Variants in ELAPOR1 observed in about 807,000 individuals in gnomAD.
ELAPOR1 encodes the protein endosome-lysosome associated apoptosis and autophagy regulator 1.
A neutral mutation model predicts 119.7 loss-of-function variants in ELAPOR1; 77 were observed. The observed-to-expected ratio is 0.64, with a 90% CI of 0.54 to 0.78. The LOEUF is 0.78. Among genes scored for constraint, ELAPOR1 ranks in the 30% least tolerant of loss-of-function variants. ELAPOR1 has a pLI of 0.00. For synonymous variants in ELAPOR1, 481 were observed against 487.2 expected (o/e 0.99, Z 0.17); for missense variants, 1,115 against 1,270.4 (o/e 0.88, Z 1.86).
Position 109,173,456 on chromosome 1 carries a change from C to A in ELAPOR1, c.697-18C>A. The A allele has an allele frequency of 5.0e-6, 8 of 1,603,248 alleles. No individual in the cohort carries two copies. The highest frequency in any genetic ancestry group is 6.8e-6 in the Non-Finnish European group (8 of 1,171,106). ...TTTTTCTCTGTGATGAATGAATGCTCCTGTTTGTGGTTTTTAGGTGGAGCT... is the reference window on the plus strand; with the variant it reads ...TTTTTCTCTGTGATGAATGAATGCTACTGTTTGTGGTTTTTAGGTGGAGCT... On this transcript the variant is annotated intron_variant, in intron 5 of 21. Transcript: ENST00000369939.
In ELAPOR1 at chr1:109,173,544, C is replaced by T. The variant is rs543723905; in HGVS notation, c.767C>T (p.Pro256Leu). The change falls in exon 6 of 22, where the codon CCC (proline) becomes CTC (leucine). Residue 256 changes from proline (P) to leucine (L), a missense_variant. Pro to Leu is a moderately conservative substitution (Grantham distance 98). Transcript: ENST00000369939. ...TTAFSVWTKV[P>L]KPVLVRNIAI... ...GCCTTCTCAGTATGGACCAAAGTAC[C>T]CAAGCCTGTGCTGGTGAGAAACATT... The T allele has an allele frequency of 4.3e-6, 7 of 1,614,094 alleles. No individual in the cohort carries two copies. The South Asian group carries it at 6.6e-5, about 15-fold the overall frequency.
intron 18 of ELAPOR1, among the ~76,000 whole-genome samples, chr1:109,199,641 G>A (rs2101140444): frequency 6.6e-6 from 1 of 152,332 alleles, no homozygotes; most frequent in East Asian, 1.9e-4. Flanking sequence ...ACGGGCAGAG[G>A]GTGGGGAGCC....
In ELAPOR1 at chr1:109,204,382, T is replaced by C. The variant is rs926731993; in HGVS notation, c.*1370T>C. On this transcript the variant is annotated 3_prime_UTR_variant, in exon 22 of 22. Coordinates refer to ENST00000369939, the MANE Select transcript of ELAPOR1 (RefSeq NM_020775.5). Reference sequence around the variant, plus strand: ...TTTTAAACCTTCCACTATCACTCTATGACACTGAAAAGAACCAGGTAAGCC... The same window carrying C: ...TTTTAAACCTTCCACTATCACTCTACGACACTGAAAAGAACCAGGTAAGCC... 1 of 152,244 alleles carries C rather than the reference T, an allele frequency of 6.6e-6. No homozygotes were observed. The highest frequency in any genetic ancestry group is 2.4e-5 in the African/African-American group (1 of 41,448). 9.4% of individuals were successfully genotyped at this position (152,244 alleles called of 1,614,324 possible). A position where few individuals can be genotyped will look rare whatever the true frequency, so the allele number is the denominator to read the frequency against.
chr1:109,138,927 A>G (rs1189268522), intron 1 of ELAPOR1, among the ~76,000 whole-genome samples: 1 of 152,024 alleles, frequency 6.6e-6, no homozygotes, highest in Non-Finnish European at 1.5e-5. Flanking sequence ...TAGGTAATTC[A>G]TCCACATGGT....
At chr1:109,157,978 C>A (rs1311734198) in intron 1 of ELAPOR1, among the ~76,000 whole-genome samples, 2 of 152,176 alleles carry the variant, frequency 1.3e-5, no homozygotes, top group South Asian at 4.1e-4. Context: ...GCCTCAACCT[C>A]CCAGGCTCAG....
In ELAPOR1 at chr1:109,203,049, A is replaced by T. The variant is rs753616764; in HGVS notation, c.*37A>T. ...TGCCTCACCTGCCTCCTCACCTTGCATAGCACCTTTGCAAGCCTGCGGCGA... is the reference window on the plus strand; with the variant it reads ...TGCCTCACCTGCCTCCTCACCTTGCTTAGCACCTTTGCAAGCCTGCGGCGA... On this transcript the variant is annotated 3_prime_UTR_variant, in exon 22 of 22. Coordinates refer to ENST00000369939, the MANE Select transcript of ELAPOR1 (RefSeq NM_020775.5). The T allele has an allele frequency of 1.7e-5, 25 of 1,467,628 alleles. No individual in the cohort carries two copies. Among genetic ancestry groups the T allele is most frequent in the Middle Eastern group, 3.6e-4 (2 of 5,600 alleles). The allele number at this position is 1,467,628 out of a possible 1,614,324, so 90.9% of individuals were successfully genotyped here.
chr1:109,194,719 T>TAA, intron 15 of ELAPOR1, 125 bp downstream of exon 15: 1 of 756,660 alleles, frequency 1.3e-6, no homozygotes. Flanking sequence ...GCTTCAAAGG[T>TAA]TTTTACATAT....
chr1:109,151,598 A>G (rs918056025), intron 1 of ELAPOR1, among the ~76,000 whole-genome samples: 1 of 152,176 alleles, frequency 6.6e-6, no homozygotes, highest in Non-Finnish European at 1.5e-5. Flanking sequence ...CCAAATTCTG[A>G]CATTTCTCCA....
rs887906450 is a variant in ELAPOR1 at position 109,164,530 on chromosome 1, T to C, written c.306T>C (p.Asp102=). 1.2e-6 allele frequency: 2 copies of C among 1,613,582 alleles called. No individual in the cohort carries two copies. The highest frequency in any genetic ancestry group is 1.7e-6 in the Non-Finnish European group (2 of 1,179,692). Residue 102 remains aspartate (D), a synonymous_variant, in exon 3 of 22, where the codon GAT becomes GAC. Coordinates refer to ENST00000369939, the MANE Select transcript of ELAPOR1 (RefSeq NM_020775.5). ...SFSCNAGEFL[D]MKDQSCKPCA... ...CCTGCAACGCCGGGGAGTTTCTGGA[T>C]ATGAAGGACCAGTCATGTAAGCCAT...
chr1:109,188,093 C>T, intron 8 of ELAPOR1, 84 bp from the exon 9 acceptor site: 3 of 1,502,766 alleles, frequency 2.0e-6, no homozygotes, highest in Non-Finnish European at 2.7e-6. Context: ...TGGATCTCTG[C>T]CCCCAGCCCC....
At chr1:109,196,633 A>C (rs1653809102) in intron 15 of ELAPOR1, among the ~76,000 whole-genome samples, 1 of 146,000 alleles carries the variant, frequency 6.8e-6, no homozygotes. Flanking sequence ...TTTCAAGCTC[A>C]TCTACTTCCT....
chr1:109,150,152 G>T (rs1247749535), intron 1 of ELAPOR1, among the ~76,000 whole-genome samples: 1 of 152,220 alleles, frequency 6.6e-6, no homozygotes, highest in African/African-American at 2.4e-5. Context: ...CTGGCCCAGA[G>T]CGTGGTGATA....
At position 109,197,643 on chromosome 1, in the gene ELAPOR1, A is replaced by T; in HGVS notation, c.2291A>T (p.Asp764Val). 1 of 1,613,744 alleles carries T rather than the reference A, an allele frequency of 6.2e-7. No individual in the cohort carries two copies. The highest frequency in any genetic ancestry group is 1.1e-5 in the South Asian group (1 of 91,062). ...TCCTCACAGCCTGTCAGCCTTGCTG[A>T]TCGACTTATTGGTGAGTAACTCCGC... ...GVSSQPVSLA[D>V]RLIGVTTDMT... Residue 764 changes from aspartate to valine, a missense_variant, in exon 16 of 22, where the codon GAT (aspartate) becomes GTT (valine). By Grantham distance (152) the Asp-to-Val change is radical (BLOSUM62 -3). Coordinates refer to ENST00000369939, the MANE Select transcript of ELAPOR1 (RefSeq NM_020775.5).
intron 1 of ELAPOR1, among the ~76,000 whole-genome samples, chr1:109,150,486 T>C (rs1650464154): frequency 6.6e-6 from 1 of 152,136 alleles, no homozygotes; most frequent in African/African-American, 2.4e-5. Flanking sequence ...CTGGGTCTGG[T>C]GCTTGCTCTG....
At position 109,203,176 on chromosome 1, in the gene ELAPOR1, C is replaced by G; in HGVS notation, c.*164C>G. On this transcript the variant is annotated 3_prime_UTR_variant, in exon 22 of 22. Coordinates refer to ENST00000369939, the MANE Select transcript of ELAPOR1 (RefSeq NM_020775.5). Reference sequence around the variant, plus strand: ...ATCTTTTTTTATAGAGTACCCAAACCCTCCTTTCTGCTTGCCTCAAACCTG... The same window carrying G: ...ATCTTTTTTTATAGAGTACCCAAACGCTCCTTTCTGCTTGCCTCAAACCTG... The G allele has an allele frequency of 1.8e-6, 1 of 571,168 alleles. No homozygotes were observed. Among genetic ancestry groups the G allele is most frequent in the Middle Eastern group, 4.6e-4 (1 of 2,168 alleles). The allele number at this position is 571,168 out of a possible 1,614,324, so 35.4% of individuals were successfully genotyped here.
intron 1 of ELAPOR1, among the ~76,000 whole-genome samples, chr1:109,127,155 A>G (rs926849998): frequency 2.6e-4 from 40 of 151,966 alleles, no homozygotes; most frequent in African/African-American, 9.2e-4. Context: ...TGCTGAAAAT[A>G]CAAAAATATA....
chr1:109,130,862 A>G (rs941899048), intron 1 of ELAPOR1, among the ~76,000 whole-genome samples: 4 of 152,174 alleles, frequency 2.6e-5, no homozygotes, highest in Non-Finnish European at 5.9e-5. Flanking sequence ...TATTAGCTGG[A>G]CATGGTGACG....
intron 8 of ELAPOR1, chr1:109,186,637 A>G (rs2101099057): frequency 1.0e-6 from 1 of 985,426 alleles, no homozygotes; most frequent in Non-Finnish European, 1.2e-6. Flanking sequence ...GGTGTCTGGT[A>G]TTCTGTATGA....
At chr1:109,182,336 T>A (rs1289590874) in intron 7 of ELAPOR1, among the ~76,000 whole-genome samples, 23 of 1,260 alleles carry the variant, frequency 0.018, no homozygotes, top group Admixed American at 0.05. Flanking sequence ...TCTCAAAAAA[T>A]AATAATAATA....
Sources: allele counts gnomAD v4.1 joint callset (sites outside exome capture counted in the v4.1 genomes callset), GRCh38; gene constraint gnomAD v4.1.1; transcripts MANE v1.5; gene names NCBI Gene and HGNC (gene_info 2026-07-23, HGNC 2026-07-21).